Variants in ANKRD27 observed in about 807,000 individuals in gnomAD.
ANKRD27 encodes the protein ankyrin repeat domain 27.
ANKRD27 carries 112 observed loss-of-function variants against 129.7 expected under a neutral mutation model. The observed-to-expected ratio is 0.86, with a 90% CI of 0.74 to 1.01. The LOEUF (loss-of-function observed/expected upper bound fraction) is 1.01. Ranked by LOEUF, ANKRD27 falls within the 50% of genes least tolerant of loss-of-function variation. ANKRD27 has a pLI of 0.00. For missense variants in ANKRD27, 1,258 were observed against 1,300.5 expected, an observed-to-expected ratio of 0.97 and a Z score of 0.50; for synonymous variants, 516 against 511.2, an observed-to-expected ratio of 1.01 and a Z score of -0.13.
chr19:32,652,734 C>G (rs534870608), intron 2 of ANKRD27, among the ~76,000 whole-genome samples: 1 of 151,946 alleles, frequency 6.6e-6, no homozygotes, highest in East Asian at 1.9e-4. Context: ...TCGAGACCAG[C>G]CTGGGCGACA....
At chr19:32,598,476 A>C in intron 28 of ANKRD27, 98 bp from the exon 29 acceptor site, 1 of 1,127,882 alleles carries the variant, frequency 8.9e-7, no homozygotes, top group East Asian at 2.4e-5. Context: ...AGTGTCACAT[A>C]ATGTGCTCAG....
intron 22 of ANKRD27, among the ~76,000 whole-genome samples, chr19:32,608,718 G>A (rs746075008): frequency 1.3e-5 from 2 of 152,110 alleles, no homozygotes; most frequent in Admixed American, 6.6e-5. Flanking sequence ...TTGAGAGTCC[G>A]AGGTGGGCAG....
intron 25 of ANKRD27, 59 bp from the exon 26 acceptor site, chr19:32,602,185 A>C: frequency 9.0e-7 from 1 of 1,114,568 alleles, no homozygotes; most frequent in Non-Finnish European, 1.3e-6. Flanking sequence ...ATAGGTTATT[A>C]TTTGTTTTTG....
Position 32,607,741 on chromosome 19 carries a change from C to G in ANKRD27, c.2267G>C (p.Arg756Pro), listed in dbSNP as rs761307804. The G allele has an allele frequency of 6.2e-7, 1 of 1,612,880 alleles. No homozygotes were observed. The highest frequency in any genetic ancestry group is 1.7e-5 in the Admixed American group (1 of 59,866). Residue 756 changes from arginine to proline, a missense_variant, in exon 23 of 29, where the codon CGG (arginine) becomes CCG (proline). Coordinates refer to ENST00000306065, the MANE Select transcript of ANKRD27 (RefSeq NM_032139.3). ...SPLHVAALHG[R>P]ADLIPLLLKH... is the part of the protein sequence containing the mutation. The stretch of plus-strand genomic sequence containing the variant: ...CAGCAGGAGGGGGATGAGGTCCGCC[C>G]GGCCGTGCAGGGCGGCGACATGCAG...
At chr19:32,647,896 A>T (rs1021625282) in intron 3 of ANKRD27, among the ~76,000 whole-genome samples, 2 of 152,192 alleles carry the variant, frequency 1.3e-5, no homozygotes, top group African/African-American at 2.4e-5. Flanking sequence ...GAGCTTTCTT[A>T]CCTTTTCTTT....
At chr19:32,650,872 G>A (rs1311589814) in intron 2 of ANKRD27, among the ~76,000 whole-genome samples, 3 of 150,272 alleles carry the variant, frequency 2.0e-5, no homozygotes, top group African/African-American at 4.9e-5. Flanking sequence ...CCTCAGCCTC[G>A]TAAGTAACTG....
intron 1 of ANKRD27, among the ~76,000 whole-genome samples, chr19:32,669,480 T>C (rs1967824975): frequency 6.6e-6 from 1 of 152,218 alleles, no homozygotes; most frequent in Non-Finnish European, 1.5e-5. Flanking sequence ...CTGACATAGT[T>C]GGTTCTATGT....
rs189203864 is a variant in ANKRD27, at chr19:32,603,445, G to A, written c.2655+818C>T. Among the ~76,000 whole-genome samples the A allele has an allele frequency of 4.9e-3, 753 of 152,290 alleles. 5 individuals carry two copies. The highest frequency in any genetic ancestry group is 6.6e-3 in the Non-Finnish European group (449 of 68,036). ...GAACAGAAAGAGCTGCCGCTCGCCA[G>A]GGGAAAAGGACCCTTCCCCGCCGCT... On this transcript the variant is annotated intron_variant, in intron 25 of 28. Coordinates refer to ENST00000306065, the MANE Select transcript of ANKRD27 (RefSeq NM_032139.3).
chr19:32,607,069 A>G (rs1465668926), intron 23 of ANKRD27, among the ~76,000 whole-genome samples: 1 of 140,468 alleles, frequency 7.1e-6, no homozygotes, highest in East Asian at 2.3e-4. Context: ...CAGGAGATTG[A>G]GGCTGCAGTG....
rs1599770423 is a variant in ANKRD27, at chr19:32,656,115, A to AG, written c.102+2798_102+2799insC. Among the ~76,000 whole-genome samples the AG allele has an allele frequency of 2.6e-5, 3 of 115,442 alleles. No individual in the cohort carries two copies. In the East Asian group the frequency reaches 8.5e-4, roughly 33 times the overall value. 75.7% of individuals were successfully genotyped at this position (115,442 alleles called of 152,430 possible). A position where few individuals can be genotyped will look rare whatever the true frequency, so the allele number is the denominator to read the frequency against. ...AGAAAGAAAGAAAGAAAGAAAAGAA[A>AG]AGAAAAGAAAAGAAAAGAAAAGAAA... On this transcript the variant is annotated intron_variant, in intron 2 of 28. Coordinates refer to ENST00000306065, the MANE Select transcript of ANKRD27 (RefSeq NM_032139.3).
At chr19:32,644,560 C>A (rs1284412099) in intron 4 of ANKRD27, 81 bp from the exon 5 acceptor site, 2 of 1,497,728 alleles carry the variant, frequency 1.3e-6, no homozygotes, top group Non-Finnish European at 1.8e-6. Flanking sequence ...GGCCTAGGCC[C>A]TCTGGGGAGG....
At chr19:32,657,742 G>C (rs1458740574) in intron 2 of ANKRD27, among the ~76,000 whole-genome samples, 1 of 152,136 alleles carries the variant, frequency 6.6e-6, no homozygotes, top group Non-Finnish European at 1.5e-5. Flanking sequence ...GGGAGGCCGA[G>C]GTGGGCAGAT....
intron 22 of ANKRD27, among the ~76,000 whole-genome samples, chr19:32,614,586 C>G (rs149963266): frequency 1.3e-5 from 2 of 151,952 alleles, no homozygotes; most frequent in Non-Finnish European, 2.9e-5. Context: ...GTGCTATGGT[C>G]CCCGCTACAC....
At chr19:32,656,103 G>GAAAGAAAGAAAAAGAAAAGAAAAGA (rs1555747136) in intron 2 of ANKRD27, among the ~76,000 whole-genome samples, 1 of 123,702 alleles carries the variant, frequency 8.1e-6, no homozygotes, top group South Asian at 2.7e-4. Flanking sequence ...AAGAAAGAAA[G>GAAAGAAAGAAAAAGAAAAGAAAAGA]AAAGAAAAGA....
chr19:32,633,846 A>T (rs377141787), intron 12 of ANKRD27, among the ~76,000 whole-genome samples: 77 of 151,560 alleles, frequency 5.1e-4, no homozygotes, highest in Middle Eastern at 3.5e-3. Flanking sequence ...AAATAGCGAG[A>T]CCTCATCTCT....
Position 32,600,034 on chromosome 19 carries a change from A to G in ANKRD27, c.2784T>C (p.Tyr928=), listed in dbSNP as rs746126809. ...TTGTAAAAGGCTCATCTGGTAGATC[A>G]TACAGTTTTGAGTTCCCTGTAGATA... ...KIRKKWNSKL[Y]DLPDEPFTRQ... is the part of the protein sequence containing the mutation. Residue 928 remains tyrosine, a synonymous_variant, in exon 27 of 29, where the codon TAT becomes TAC. Transcript: ENST00000306065. 6.2e-7 allele frequency: 1 copy of G among 1,612,748 alleles called. No homozygotes were observed. Among genetic ancestry groups the G allele is most frequent in the Non-Finnish European group, 8.5e-7 (1 of 1,178,924 alleles).
chr19:32,628,557 G>A (rs1966932531), intron 14 of ANKRD27, among the ~76,000 whole-genome samples, 165 bp downstream of exon 14: 1 of 152,214 alleles, frequency 6.6e-6, no homozygotes, highest in Non-Finnish European at 1.5e-5. Flanking sequence ...TAACCTATCT[G>A]ATTCTCCAAA....
rs78062810 is a variant in ANKRD27 at position 32,661,199 on chromosome 19, TA to T, written c.-30-2155del. Among the ~76,000 whole-genome samples the T allele has an allele frequency of 9.9e-3, 1,131 of 114,750 alleles. 2 individuals are homozygous for T. The highest frequency in any genetic ancestry group is 0.025 in the African/African-American group (746 of 30,204). The allele number at this position is 114,750 out of a possible 152,430, so 75.3% of individuals were successfully genotyped here. A position where few individuals can be genotyped will look rare whatever the true frequency, so the allele number is the denominator to read the frequency against. On this transcript the variant is annotated intron_variant, in intron 1 of 28. Coordinates refer to ENST00000306065, the MANE Select transcript of ANKRD27 (RefSeq NM_032139.3). ...CTGTGTGATGGTGCAAGATGCTGTC[TA>T]AAAAAAAAAAAAAAAATTATACACA...
chr19:32,626,654 G>A (rs573233406), intron 16 of ANKRD27, 58 bp downstream of exon 16: 82 of 1,369,046 alleles, frequency 6.0e-5, no homozygotes, highest in Admixed American at 1.4e-4. Context: ...CAGTCACCAC[G>A]CAGAACCAAG....
Sources: gnomAD v4.1 joint callset for allele counts (sites outside exome capture counted in the v4.1 genomes callset) on GRCh38, gnomAD v4.1.1 for gene constraint, MANE v1.5 for transcripts, NCBI Gene and HGNC (gene_info 2026-07-23, HGNC 2026-07-21) for gene names.